TRRAP: variants seen among roughly 807,000 people sequenced by gnomAD.
TRRAP encodes transformation/transcription domain-associated protein.
In TRRAP, 41 loss-of-function variants were observed where a neutral mutation model predicts 438.8. The ratio of observed to expected loss-of-function variants is 0.09; its 90% confidence interval spans 0.07 to 0.12. TRRAP has a LOEUF of 0.12. Ranked by LOEUF, TRRAP falls within the 10% of genes least tolerant of loss-of-function variation. The probability of loss-of-function intolerance (pLI) is 1.00; values close to 1 mark genes in which losing one functional copy is unlikely to be tolerated. For missense variants in TRRAP, 3,122 were observed against 5,055.1 expected (o/e 0.62, Z 11.60); for synonymous variants, 1,994 against 1,962.9 (o/e 1.02, Z -0.42).
At chr7:98,897,674 T>TG (rs1322636254) in intron 7 of TRRAP, 67 bp from the exon 8 acceptor site, 7 of 1,430,130 alleles carry the variant, frequency 4.9e-6, no homozygotes, top group Non-Finnish European at 5.5e-6. Flanking sequence ...TTGTTTTGTT[T>TG]TGTTTTGTTT....
At chr7:98,932,101 T>A (rs1554413057) in intron 26 of TRRAP, among the ~76,000 whole-genome samples, 3 of 151,530 alleles carry the variant, frequency 2.0e-5, no homozygotes, top group Non-Finnish European at 2.9e-5. Flanking sequence ...TATTTTTTTT[T>A]AACTTTTATT....
At chr7:98,898,938 A>G (rs1554406200) in intron 8 of TRRAP, among the ~76,000 whole-genome samples, 1 of 152,234 alleles carries the variant, frequency 6.6e-6, no homozygotes, top group East Asian at 1.9e-4. Flanking sequence ...CTGTAATCCC[A>G]GCACTTCGGG....
Position 98,917,423 on chromosome 7 carries a change from G to C in TRRAP, c.2366G>C (p.Gly789Ala). Residue 789 changes from glycine to alanine, a missense_variant and splice_region_variant, in exon 20 of 73, where the codon GGG (glycine) becomes GCG (alanine). Coordinates refer to ENST00000456197, the MANE Select transcript of TRRAP (RefSeq NM_001375524.1). The stretch of plus-strand genomic sequence containing the variant: ...CTGATAGCTGCACCCCCTTCCCTAG[G>C]GCTGAACATGCTTCAGAGTGGCCTG... ...FLPLLPNLLQ[G>A]LNMLQSGLHK... The C allele has an allele frequency of 1.2e-6, 2 of 1,613,908 alleles. No individual in the cohort carries two copies. The highest frequency in any genetic ancestry group is 1.7e-6 in the Non-Finnish European group (2 of 1,179,862).
chr7:98,904,405 C>T (rs1270045062), intron 12 of TRRAP, among the ~76,000 whole-genome samples: 1 of 150,402 alleles, frequency 6.6e-6, no homozygotes, highest in African/African-American at 2.5e-5. Flanking sequence ...ATGGTGTGAA[C>T]CCAGGAAGGC....
chr7:98,990,332 A>C (rs1040714703), intron 63 of TRRAP, 123 bp from the exon 64 acceptor site: 2 of 965,286 alleles, frequency 2.1e-6, no homozygotes, highest in Admixed American at 2.5e-5. Flanking sequence ...GCCTGCTTAT[A>C]GATACTTTTT....
At position 98,990,874 on chromosome 7, in the gene TRRAP, A is replaced by G. The variant is rs541816321; in HGVS notation, c.9756+255A>G. Among the ~76,000 whole-genome samples the G allele has an allele frequency of 1.1e-3, 166 of 152,346 alleles. 1 individual carries two copies. Among genetic ancestry groups the G allele is most frequent in the Middle Eastern group, 0.01 (3 of 294 alleles). ...ATTCTAATTTCTTAAACATTTTCCC[A>G]TATATAATGTAAGTAAAATAAACTT... is the stretch of plus-strand genomic sequence containing the variant. On this transcript the variant is annotated intron_variant, in intron 64 of 72. Coordinates refer to ENST00000456197, the MANE Select transcript of TRRAP (RefSeq NM_001375524.1).
In TRRAP at chr7:99,011,933, C is replaced by A; in HGVS notation, c.11338-138C>A. 1 of 1,149,974 alleles carries A rather than the reference C, an allele frequency of 8.7e-7. No homozygotes were observed. Among genetic ancestry groups the A allele is most frequent in the Non-Finnish European group, 1.2e-6 (1 of 821,486 alleles). The allele number at this position is 1,149,974 out of a possible 1,614,324, so 71.2% of individuals were successfully genotyped here. Reference sequence around the variant, plus strand: ...CCCAGCCCGTCCTGAGGGCACACAGCCTGGCCTGGTGCTGAAACTCGACTG... The same window carrying A: ...CCCAGCCCGTCCTGAGGGCACACAGACTGGCCTGGTGCTGAAACTCGACTG... On this transcript the variant is annotated intron_variant, in intron 72 of 72. Transcript: ENST00000456197. The surrounding 1 kb of genome is among the most constrained non-coding windows in gnomAD (Gnocchi z 7.1).
intron 12 of TRRAP, 129 bp downstream of exon 12, chr7:98,903,646 G>T: frequency 7.4e-7 from 1 of 1,343,332 alleles, no homozygotes; most frequent in Non-Finnish European, 1.0e-6. Flanking sequence ...GCTGTCTTGG[G>T]TTCATTCTTT....
At chr7:98,900,877 T>C (rs1360536162) in intron 11 of TRRAP, among the ~76,000 whole-genome samples, 157 bp downstream of exon 11, 1 of 152,170 alleles carries the variant, frequency 6.6e-6, no homozygotes, top group African/African-American at 2.4e-5. Flanking sequence ...CAAAATTCCA[T>C]TGTTATATAT....
chr7:98,899,939 G>A (rs551875327), intron 10 of TRRAP, among the ~76,000 whole-genome samples, 172 bp downstream of exon 10: 33 of 152,210 alleles, frequency 2.2e-4, no homozygotes, highest in African/African-American at 6.7e-4. Flanking sequence ...AGCTATTTTC[G>A]TTCTTAATTT....
Position 98,951,219 on chromosome 7 carries a change from C to G in TRRAP, c.5463+215C>G, listed in dbSNP as rs7779292. On this transcript the variant is annotated intron_variant, in intron 39 of 72. Coordinates refer to ENST00000456197, the MANE Select transcript of TRRAP (RefSeq NM_001375524.1). ...GAGTTTTTGAAGGCAGCCTTACTTT[C>G]GAATGAATTAACTTTCCCACATTAA... Among the ~76,000 whole-genome samples the G allele has an allele frequency of 0.7, 106,853 of 152,106 alleles. 41,904 individuals carry two copies. Among genetic ancestry groups the G allele is most frequent in the South Asian group, 0.87 (4,209 of 4,820 alleles).
chr7:98,905,497 C>G (rs1339979631), intron 12 of TRRAP, among the ~76,000 whole-genome samples: 2 of 152,168 alleles, frequency 1.3e-5, no homozygotes, highest in African/African-American at 4.8e-5. Context: ...GTCGCTGCCC[C>G]ATCTGCACAT....
chr7:98,924,973 C>G (rs1789978645), intron 21 of TRRAP, 139 bp from the exon 22 acceptor site: 22 of 1,214,590 alleles, frequency 1.8e-5, no homozygotes, highest in Admixed American at 9.1e-5. Flanking sequence ...CCACTGCACT[C>G]CAGCCCAGGC....
intron 26 of TRRAP, among the ~76,000 whole-genome samples, chr7:98,932,275 G>C (rs1268593329): frequency 6.6e-6 from 1 of 151,784 alleles, no homozygotes; most frequent in Non-Finnish European, 1.5e-5. Context: ...CACCACACCC[G>C]GCTAATTTTT....
chr7:99,011,283 C>T lies in TRRAP; in HGVS notation c.11142+28C>T, dbSNP rs765413161. 1 of 1,613,080 alleles carries T rather than the reference C, an allele frequency of 6.2e-7. No homozygotes were observed. Among genetic ancestry groups the T allele is most frequent in the Non-Finnish European group, 8.5e-7 (1 of 1,178,996 alleles). ...AACCTGCTTTGAACAGCCAGATCCT[C>T]TCCTCGTGACATCGCCTTTCTGCTG... On this transcript the variant is annotated intron_variant, in intron 71 of 72. Transcript: ENST00000456197. The surrounding 1 kb of genome is among the most constrained non-coding windows in gnomAD (Gnocchi z 7.1).
intron 21 of TRRAP, among the ~76,000 whole-genome samples, chr7:98,924,688 C>CAAA (rs34211183): frequency 2.1e-5 from 2 of 95,292 alleles, no homozygotes; most frequent in East Asian, 3.3e-4. Flanking sequence ...GACTCCGTCT[C>CAAA]AAAAAAAAAA....
intron 31 of TRRAP, 87 bp from the exon 32 acceptor site, chr7:98,945,660 A>C (rs1791018948): frequency 6.7e-7 from 1 of 1,499,998 alleles, no homozygotes; most frequent in African/African-American, 1.4e-5. Context: ...TGTTAACCCC[A>C]ATAACCCTTA....
At chr7:98,950,813 C>A in intron 38 of TRRAP, 63 bp from the exon 39 acceptor site, 1 of 1,458,612 alleles carries the variant, frequency 6.9e-7, no homozygotes, top group Non-Finnish European at 9.0e-7. Context: ...CTGTTCTTCC[C>A]GTCTTAAGAA....
chr7:98,952,003 C>G (rs1391726171), intron 39 of TRRAP, among the ~76,000 whole-genome samples: 1 of 152,130 alleles, frequency 6.6e-6, no homozygotes, highest in Non-Finnish European at 1.5e-5. Flanking sequence ...AGGCTGGAGG[C>G]TGTGGATGCA....
Sources: allele counts gnomAD v4.1 joint callset (sites outside exome capture counted in the v4.1 genomes callset), GRCh38; gene constraint gnomAD v4.1.1; non-coding constraint Gnocchi (gnomAD v3.1); transcripts MANE v1.5; gene names NCBI Gene and HGNC (gene_info 2026-07-23, HGNC 2026-07-21).